Variants in GIMAP8 observed in about 807,000 individuals in gnomAD.
GIMAP8 encodes the protein GTPase IMAP family member 8.
In GIMAP8, 29 loss-of-function variants were observed where a neutral mutation model predicts 35.6. The observed-to-expected ratio is 0.81, with a 90% CI of 0.61 to 1.11. The LOEUF is 1.11. Among genes scored for constraint, GIMAP8 ranks in the 50% most tolerant of loss-of-function variants. The pLI is 0.00. For missense variants in GIMAP8, 811 were observed against 805.0 expected (o/e 1.01, Z -0.09); for synonymous variants, 335 against 308.7 (o/e 1.09, Z -0.89).
chr7:150,461,488 GT>G (rs981729605), intron 1 of GIMAP8, among the ~76,000 whole-genome samples: 1 of 151,838 alleles, frequency 6.6e-6, no homozygotes, highest in African/African-American at 2.4e-5. Context: ...GTGTCTTTAT[GT>G]TTTTTATTTA....
intron 4 of GIMAP8, among the ~76,000 whole-genome samples, chr7:150,476,372 T>C (rs1802229201): frequency 6.6e-6 from 1 of 152,242 alleles, no homozygotes; most frequent in Non-Finnish European, 1.5e-5. Flanking sequence ...GGTCTCTATG[T>C]GTCTGTAAAT....
intron 1 of GIMAP8, among the ~76,000 whole-genome samples, chr7:150,453,462 C>T (rs138279718): frequency 6.6e-6 from 1 of 152,362 alleles, no homozygotes; most frequent in African/African-American, 2.4e-5. Flanking sequence ...GCCTTTACTA[C>T]CTCCCTGGGT....
chr7:150,470,880 T>A lies in GIMAP8; in HGVS notation c.682+6T>A. 1.9e-6 allele frequency: 3 copies of A among 1,593,616 alleles called. No individual in the cohort carries two copies. The highest frequency in any genetic ancestry group is 2.6e-6 in the Non-Finnish European group (3 of 1,161,546). On this transcript the variant is annotated splice_donor_region_variant and intron_variant, in intron 3 of 4. Coordinates refer to ENST00000307271, the MANE Select transcript of GIMAP8 (RefSeq NM_175571.4). ...AGAGGGAGACAAGCCACAGGGTAAG[T>A]TGATCTTTAAGAAACATTAAGCTCA...
At chr7:150,468,309 G>C (rs1031712129) in intron 2 of GIMAP8, among the ~76,000 whole-genome samples, 7 of 152,204 alleles carry the variant, frequency 4.6e-5, no homozygotes, top group African/African-American at 1.7e-4. Flanking sequence ...AAAGGAAAAT[G>C]TATTTGTAAC....
At position 150,467,190 on chromosome 7, in the gene GIMAP8, A is replaced by G; in HGVS notation, c.492A>G (p.Arg164=). The G allele has an allele frequency of 1.2e-6, 2 of 1,614,234 alleles. No individual in the cohort carries two copies. The highest frequency in any genetic ancestry group is 1.7e-6 in the Non-Finnish European group (2 of 1,180,046). Residue 164 remains arginine, a synonymous_variant, in exon 2 of 5, where the codon CGA becomes CGG. Coordinates refer to ENST00000307271, the MANE Select transcript of GIMAP8 (RefSeq NM_175571.4). ...LKQLVQDYEG[R]YCIFNNKTNS... ...AGTTGGTTCAAGACTATGAGGGCCG[A>G]TACTGCATTTTCAACAACAAGACCA...
At chr7:150,456,650 T>A (rs1038055225) in intron 1 of GIMAP8, among the ~76,000 whole-genome samples, 1 of 152,244 alleles carries the variant, frequency 6.6e-6, no homozygotes, top group Non-Finnish European at 1.5e-5. Flanking sequence ...GGGATTAGCA[T>A]GTGGACACCT....
Position 150,467,307 on chromosome 7 carries a change from C to G in GIMAP8, c.609C>G (p.Asn203Lys). The change falls in exon 2 of 5, where the codon AAC (asparagine) becomes AAG (lysine). Residue 203 changes from asparagine to lysine, a missense_variant. Coordinates refer to ENST00000307271, the MANE Select transcript of GIMAP8 (RefSeq NM_175571.4). The stretch of plus-strand genomic sequence containing the variant: ...CGAACGGAGGACCCTATCATGTGAA[C>G]TTCAAAACTGAAGGCAGCAGGTTTC... ...VNTNGGPYHV[N>K]FKTEGSRFQD... The G allele has an allele frequency of 6.2e-7, 1 of 1,611,952 alleles. No individual in the cohort carries two copies. The highest frequency in any genetic ancestry group is 8.5e-7 in the Non-Finnish European group (1 of 1,178,248).
intron 1 of GIMAP8, among the ~76,000 whole-genome samples, chr7:150,465,806 A>C (rs1327411511): frequency 6.6e-6 from 1 of 152,244 alleles, no homozygotes; most frequent in Non-Finnish European, 1.5e-5. Context: ...CTATCTATAT[A>C]CTGAAATCGT....
At position 150,467,203 on chromosome 7, in the gene GIMAP8, A is replaced by C. The variant is rs1801984473; in HGVS notation, c.505A>C (p.Asn169His). ...CTATGAGGGCCGATACTGCATTTTCAACAACAAGACCAATAGTAAGGATGA... is the reference window on the plus strand; with the variant it reads ...CTATGAGGGCCGATACTGCATTTTCCACAACAAGACCAATAGTAAGGATGA... Reference protein sequence around the residue: ...QDYEGRYCIFNNKTNSKDEQI... With the variant: ...QDYEGRYCIFHNKTNSKDEQI... The change falls in exon 2 of 5, where the codon AAC becomes CAC. Residue 169 changes from asparagine to histidine, a missense_variant. Coordinates refer to ENST00000307271, the MANE Select transcript of GIMAP8 (RefSeq NM_175571.4). 1 of 1,614,024 alleles carries C rather than the reference A, an allele frequency of 6.2e-7. No homozygotes were observed. The highest frequency in any genetic ancestry group is 8.5e-7 in the Non-Finnish European group (1 of 1,179,964).
At position 150,452,656 on chromosome 7, in the gene GIMAP8, T is replaced by C. The variant is rs1202825189; in HGVS notation, c.-29+1481T>C. On this transcript the variant is annotated intron_variant, in intron 1 of 4. Transcript: ENST00000307271. ...ATATGTATATATATGTGTGTATATG[T>C]GTGTGTGTGTGTGTGTGAGATATAT... Among the ~76,000 whole-genome samples the C allele has an allele frequency of 1.4e-3, 155 of 111,436 alleles. 1 individual carries two copies. Among genetic ancestry groups the C allele is most frequent in the African/African-American group, 5.5e-3 (150 of 27,052 alleles). 73.1% of individuals were successfully genotyped at this position (111,436 alleles called of 152,430 possible).
Position 150,474,479 on chromosome 7 carries a change from G to C in GIMAP8, c.1150G>C (p.Ala384Pro), listed in dbSNP as rs1802175373. Residue 384 changes from alanine to proline, a missense_variant, in exon 4 of 5, where the codon GCT (alanine) becomes CCT (proline). Ala to Pro is a conservative substitution (Grantham distance 27, BLOSUM62 -1). Coordinates refer to ENST00000307271, the MANE Select transcript of GIMAP8 (RefSeq NM_175571.4). ...LDTFLRNSNK[A>P]LYGLIQKCKN... ...TACGTTCTTAAGAAACAGCAATAAAGCTCTCTATGGTCTCATCCAGAAGTG... is the reference window on the plus strand; with the variant it reads ...TACGTTCTTAAGAAACAGCAATAAACCTCTCTATGGTCTCATCCAGAAGTG... The C allele has an allele frequency of 6.2e-7, 1 of 1,613,742 alleles. No individual in the cohort carries two copies. Among genetic ancestry groups the C allele is most frequent in the African/African-American group, 1.3e-5 (1 of 74,882 alleles).
At chr7:150,462,438 T>C (rs1801861721) in intron 1 of GIMAP8, among the ~76,000 whole-genome samples, 1 of 152,212 alleles carries the variant, frequency 6.6e-6, no homozygotes, top group South Asian at 2.1e-4. Flanking sequence ...CCAATGAGTT[T>C]TGTACTTTGT....
At chr7:150,473,270 A>G (rs1585119453) in intron 3 of GIMAP8, among the ~76,000 whole-genome samples, 1 of 152,060 alleles carries the variant, frequency 6.6e-6, no homozygotes, top group Admixed American at 6.6e-5. Flanking sequence ...GCAGGTTTTT[A>G]CAGCAATTTA....
chr7:150,458,955 G>C (rs895073721), intron 1 of GIMAP8, among the ~76,000 whole-genome samples: 1 of 152,148 alleles, frequency 6.6e-6, no homozygotes, highest in African/African-American at 2.4e-5. Flanking sequence ...CTAGTCACGT[G>C]GTCATAACTG....
rs758062268 is a variant in GIMAP8, at chr7:150,467,025, G to T, written c.327G>T (p.Glu109Asp). 6.2e-7 allele frequency: 1 copy of T among 1,614,208 alleles called. No individual in the cohort carries two copies. Among genetic ancestry groups the T allele is most frequent in the South Asian group, 1.1e-5 (1 of 91,086 alleles). The part of the protein sequence containing the change: ...LVIAIGHFTR[E>D]DEETAKGIQQ... Reference sequence around the variant, plus strand: ...TTGCCATCGGCCATTTCACAAGGGAGGATGAGGAAACAGCCAAGGGCATCC... The same window carrying T: ...TTGCCATCGGCCATTTCACAAGGGATGATGAGGAAACAGCCAAGGGCATCC... The change falls in exon 2 of 5, where the codon GAG (glutamate) becomes GAT (aspartate). Residue 109 changes from glutamate (E) to aspartate (D), a missense_variant. Physicochemically the swap from Glu to Asp is conservative, Grantham distance 45. Coordinates refer to ENST00000307271, the MANE Select transcript of GIMAP8 (RefSeq NM_175571.4).
chr7:150,471,231 C>G (rs1361311718), intron 3 of GIMAP8, among the ~76,000 whole-genome samples: 2 of 152,224 alleles, frequency 1.3e-5, no homozygotes, highest in Non-Finnish European at 2.9e-5. Flanking sequence ...CCTTCATGGA[C>G]AACACCAACT....
rs144516226 is a variant in GIMAP8 at position 150,477,676 on chromosome 7, G to A, written c.1894G>A (p.Gly632Arg). The A allele has an allele frequency of 1.2e-5, 20 of 1,614,024 alleles. No homozygotes were observed. The African/African-American group carries it at 2.3e-4, about 18-fold the overall frequency. ...TCTGAGAAAAGAAAGTGGGTGGTCCGGGTATCCCCATACACAGGAGAACGT... is the reference window on the plus strand; with the variant it reads ...TCTGAGAAAAGAAAGTGGGTGGTCCAGGTATCCCCATACACAGGAGAACGT... The part of the protein sequence containing the change: ...NDLRKESGWS[G>R]YPHTQENVSK... Residue 632 changes from glycine (G) to arginine (R), a missense_variant, in exon 5 of 5, where the codon GGG becomes AGG. Transcript: ENST00000307271.
At chr7:150,452,136 G>C (rs934699182) in intron 1 of GIMAP8, among the ~76,000 whole-genome samples, 2 of 152,318 alleles carry the variant, frequency 1.3e-5, no homozygotes, top group African/African-American at 2.4e-5. Context: ...TCTCTCAGTT[G>C]CTCTGCTGGG....
intron 1 of GIMAP8, among the ~76,000 whole-genome samples, chr7:150,459,435 G>C (rs1801798868): frequency 6.6e-6 from 1 of 152,174 alleles, no homozygotes; most frequent in Non-Finnish European, 1.5e-5. Context: ...AAGACCTTGA[G>C]GATGCGAAGT....
Sources: allele counts gnomAD v4.1 joint callset (sites outside exome capture counted in the v4.1 genomes callset), GRCh38; gene constraint gnomAD v4.1.1; transcripts MANE v1.5; gene names NCBI Gene and HGNC (gene_info 2026-07-23, HGNC 2026-07-21).